PYHIN1: variants seen among roughly 807,000 people sequenced by gnomAD.
PYHIN1 encodes pyrin and HIN domain-containing protein 1.
Under a neutral mutation model 43.7 loss-of-function variants are expected in PYHIN1, and 32 were observed. The observed-to-expected ratio is 0.73, with a 90% confidence interval of 0.55 to 0.98. The LOEUF (loss-of-function observed/expected upper bound fraction) is 0.98, where lower values mean the gene tolerates loss of function less well. Ranked by LOEUF, PYHIN1 falls within the 50% of genes least tolerant of loss-of-function variation. The pLI is 0.00. For missense variants in PYHIN1, 588 were observed against 589.5 expected (o/e 1.00, Z 0.03); for synonymous variants, 205 against 203.1 (o/e 1.01, Z -0.08).
intron 6 of PYHIN1, 45 bp downstream of exon 6, chr1:158,944,023 C>A: frequency 1.3e-6 from 2 of 1,501,394 alleles, no homozygotes; most frequent in South Asian, 1.3e-5. Flanking sequence ...AGATGAAAAT[C>A]ATTTGCTTTA....
intron 2 of PYHIN1, among the ~76,000 whole-genome samples, chr1:158,937,460 C>T (rs1648627857): frequency 6.6e-6 from 1 of 152,090 alleles, no homozygotes. Flanking sequence ...TACATAATGA[C>T]AAAATAAAAT....
chr1:158,988,908 G>T, the PYHIN1 span, among the ~76,000 whole-genome samples: 7 of 152,326 alleles, frequency 4.6e-5, no homozygotes, highest in East Asian at 1.3e-3. Flanking sequence ...TCTTGCTAAA[G>T]AGCTCAGGTA....
intron 1 of PYHIN1, among the ~76,000 whole-genome samples, chr1:158,936,652 C>A (rs1648559839): frequency 6.6e-6 from 1 of 152,160 alleles, no homozygotes; most frequent in Admixed American, 6.5e-5. Context: ...AACAACCCTT[C>A]ATGCTAAAAA....
chr1:158,956,213 A>C (rs1360170188), intron 7 of PYHIN1, among the ~76,000 whole-genome samples: 1 of 149,322 alleles, frequency 6.7e-6, no homozygotes, highest in African/African-American at 2.5e-5. Context: ...AAACTATTCC[A>C]ATCAATAGAA....
At chr1:158,968,947 T>A (rs903974475) in intron 7 of PYHIN1, among the ~76,000 whole-genome samples, 3 of 151,932 alleles carry the variant, frequency 2.0e-5, no homozygotes, top group Admixed American at 2.0e-4. Flanking sequence ...TTAGTGGGTA[T>A]CAAGCTTAAT....
At chr1:158,937,919 T>C (rs1439423967) in intron 2 of PYHIN1, among the ~76,000 whole-genome samples, 2 of 142,888 alleles carry the variant, frequency 1.4e-5, no homozygotes, top group African/African-American at 2.6e-5. Context: ...CACTCCCGCC[T>C]GGGCGACAGA....
intron 7 of PYHIN1, among the ~76,000 whole-genome samples, chr1:158,957,486 G>A (rs1182692281): frequency 6.6e-6 from 1 of 151,178 alleles, no homozygotes; most frequent in African/African-American, 2.4e-5. Flanking sequence ...ACAAACCTGA[G>A]AAAAACAAGC....
chr1:158,976,649 G>A, intron 8 of PYHIN1, 52 bp from the exon 9 acceptor site: 2 of 1,435,550 alleles, frequency 1.4e-6, no homozygotes, highest in South Asian at 1.3e-5. Flanking sequence ...AGAAAGAAAT[G>A]TATGACTCCC....
At chr1:158,943,446 A>T (rs1453446550) in intron 5 of PYHIN1, among the ~76,000 whole-genome samples, 1 of 152,188 alleles carries the variant, frequency 6.6e-6, no homozygotes, top group African/African-American at 2.4e-5. Flanking sequence ...TTCTTTTTGC[A>T]TAGGGGCAGA....
chr1:158,934,446 T>C (rs894789541), intron 1 of PYHIN1, among the ~76,000 whole-genome samples: 9 of 152,152 alleles, frequency 5.9e-5, no homozygotes, highest in South Asian at 2.1e-4. Flanking sequence ...TTCAAGTAGA[T>C]TTGTTGTTGA....
At chr1:158,965,232 C>T (rs1456748903) in intron 7 of PYHIN1, among the ~76,000 whole-genome samples, 4 of 152,090 alleles carry the variant, frequency 2.6e-5, no homozygotes, top group African/African-American at 9.7e-5. Flanking sequence ...AGCACCTAGA[C>T]TCATAAAACA....
At chr1:158,946,494 C>G (rs1212094751) in intron 7 of PYHIN1, among the ~76,000 whole-genome samples, 1 of 152,028 alleles carries the variant, frequency 6.6e-6, no homozygotes, top group Non-Finnish European at 1.5e-5. Context: ...TACAAAACAG[C>G]AGAATTCTGC....
chr1:158,963,524 G>C (rs149065892), intron 7 of PYHIN1, among the ~76,000 whole-genome samples: 1,591 of 152,292 alleles, frequency 0.01, 36 homozygotes, highest in African/African-American at 0.037. Flanking sequence ...TCTGGAGCCA[G>C]TACTCAAGTG....
chr1:158,984,264 C>A, the PYHIN1 span, among the ~76,000 whole-genome samples: 4 of 151,964 alleles, frequency 2.6e-5, no homozygotes, highest in East Asian at 7.7e-4. Context: ...ATATTTCTGA[C>A]TTTTTGATGT....
At position 158,942,295 on chromosome 1, in the gene PYHIN1, G is replaced by C. The variant is rs1411270281; in HGVS notation, c.898G>C (p.Val300Leu). The C allele has an allele frequency of 6.2e-7, 1 of 1,613,874 alleles. No individual in the cohort carries two copies. The highest frequency in any genetic ancestry group is 8.5e-7 in the Non-Finnish European group (1 of 1,179,956). The change falls in exon 5 of 9, where the codon GTT (valine) becomes CTT (leucine). Residue 300 changes from valine to leucine, a missense_variant. By Grantham distance (32) the Val-to-Leu change is conservative. Coordinates refer to ENST00000368140, the MANE Select transcript of PYHIN1 (RefSeq NM_152501.5). ...AGCTGGTCCTGACCAAACGTTTGAG[G>C]TTCCAAAGGACATCATCAGAAGAGC... ...SEAGPDQTFEVPKDIIRRAKK... is the reference protein window; with the variant it reads ...SEAGPDQTFELPKDIIRRAKK...
chr1:158,935,063 A>T (rs561970582), intron 1 of PYHIN1, among the ~76,000 whole-genome samples: 1 of 152,178 alleles, frequency 6.6e-6, no homozygotes, highest in Non-Finnish European at 1.5e-5. Flanking sequence ...GCTAAAGTGC[A>T]CTGGTGCTAA....
intron 4 of PYHIN1, among the ~76,000 whole-genome samples, chr1:158,941,074 C>CA (rs1648883502): frequency 6.6e-6 from 1 of 152,092 alleles, no homozygotes; most frequent in Non-Finnish European, 1.5e-5. Flanking sequence ...GAATGGGTCA[C>CA]ATGGATGAAA....
intron 1 of PYHIN1, among the ~76,000 whole-genome samples, chr1:158,934,035 A>G (rs1202070693): frequency 6.6e-6 from 1 of 152,082 alleles, no homozygotes; most frequent in East Asian, 1.9e-4. Context: ...CTTTGTTTAG[A>G]TTGAAATTCT....
At chr1:158,937,603 C>T (rs887764440) in intron 2 of PYHIN1, among the ~76,000 whole-genome samples, 7 of 152,034 alleles carry the variant, frequency 4.6e-5, no homozygotes, top group Non-Finnish European at 7.4e-5. Context: ...AGCATTGCTC[C>T]CGGAAGTGTG....
Sources: allele counts gnomAD v4.1 joint callset (sites outside exome capture counted in the v4.1 genomes callset), GRCh38; gene constraint gnomAD v4.1.1; transcripts MANE v1.5; gene names NCBI Gene and HGNC (gene_info 2026-07-23, HGNC 2026-07-21).